Variants in DPP6 observed in about 807,000 individuals in gnomAD.
The protein encoded by DPP6 is A-type potassium channel modulatory protein DPP6.
DPP6 carries 69 observed loss-of-function variants against 122.6 expected under a neutral mutation model. The observed-to-expected ratio is 0.56, with a 90% CI of 0.46 to 0.69. The LOEUF (loss-of-function observed/expected upper bound fraction) is 0.69. DPP6 is among the 30% of genes least tolerant of loss of function. The pLI is 0.00. For synonymous variants in DPP6, 418 were observed against 433.1 expected (o/e 0.97, Z 0.43); for missense variants, 928 against 1,116.9 (o/e 0.83, Z 2.41).
chr7:154,414,380 C>T (rs1013443275), intron 1 of DPP6, among the ~76,000 whole-genome samples: 39 of 152,180 alleles, frequency 2.6e-4, no homozygotes, highest in African/African-American at 8.9e-4. Flanking sequence ...ATCAATCAAT[C>T]GTACAGTCTT....
At chr7:153,858,400 T>C in the DPP6 span, among the ~76,000 whole-genome samples, 1 of 152,184 alleles carries the variant, frequency 6.6e-6, no homozygotes, top group Non-Finnish European at 1.5e-5. Flanking sequence ...CTAGTAACGG[T>C]GTAAACACTT....
At chr7:154,514,017 G>A (rs771745010) in intron 3 of DPP6, among the ~76,000 whole-genome samples, 8 of 152,182 alleles carry the variant, frequency 5.3e-5, no homozygotes, top group Non-Finnish European at 7.3e-5. Flanking sequence ...GCTTATGCCT[G>A]TAATCCTATC....
chr7:154,143,630 T>C (rs1432740745), intron 1 of DPP6, among the ~76,000 whole-genome samples: 2 of 152,210 alleles, frequency 1.3e-5, no homozygotes, highest in African/African-American at 2.4e-5. Flanking sequence ...CTTAGCTCTA[T>C]GTTTATTTAA....
chr7:154,071,658 A>C (rs1045951199), intron 1 of DPP6, among the ~76,000 whole-genome samples: 23 of 152,196 alleles, frequency 1.5e-4, no homozygotes, highest in African/African-American at 5.3e-4. Context: ...TTTCACTACC[A>C]CTATGATTTG....
At chr7:154,746,255 G>T (rs1008365423) in intron 8 of DPP6, among the ~76,000 whole-genome samples, 7 of 152,132 alleles carry the variant, frequency 4.6e-5, no homozygotes, top group African/African-American at 1.7e-4. Flanking sequence ...TGTCTACTTA[G>T]AAGATTTAGG....
intron 1 of DPP6, among the ~76,000 whole-genome samples, chr7:154,156,250 T>A (rs1390114677): frequency 1.3e-5 from 2 of 152,266 alleles, no homozygotes; most frequent in African/African-American, 4.8e-5. Context: ...ATGGTATTTC[T>A]TTGGCAGGAT....
the DPP6 span, among the ~76,000 whole-genome samples, chr7:153,862,708 C>T: frequency 6.6e-6 from 1 of 152,072 alleles, no homozygotes; most frequent in African/African-American, 2.4e-5. Flanking sequence ...GATTTGGTGG[C>T]CTTCACAGTA....
At chr7:153,971,882 C>A (rs1337430927) in intron 1 of DPP6, among the ~76,000 whole-genome samples, 2 of 145,536 alleles carry the variant, frequency 1.4e-5, no homozygotes. Flanking sequence ...ATTAGGCCAC[C>A]AGGTCTTATC....
At chr7:154,722,224 TTTA>T (rs1841854044) in intron 7 of DPP6, among the ~76,000 whole-genome samples, 2 of 152,138 alleles carry the variant, frequency 1.3e-5, no homozygotes, top group South Asian at 4.1e-4. Context: ...AAGATGAGGT[TTTA>T]TTATTATCTC....
chr7:154,374,110 G>T (rs147517517), intron 1 of DPP6, among the ~76,000 whole-genome samples: 1 of 152,172 alleles, frequency 6.6e-6, no homozygotes, highest in Admixed American at 6.5e-5. Context: ...GCTGTGTCAC[G>T]CCATCAGGCT....
intron 1 of DPP6, among the ~76,000 whole-genome samples, chr7:154,379,208 CAG>C (rs1482102790): frequency 6.6e-6 from 1 of 152,152 alleles, no homozygotes; most frequent in African/African-American, 2.4e-5. Flanking sequence ...ACCCCAAGAA[CAG>C]AGCTGCCTAG....
chr7:154,562,972 T>C (rs1187458971), intron 4 of DPP6, among the ~76,000 whole-genome samples: 3 of 145,476 alleles, frequency 2.1e-5, no homozygotes, highest in African/African-American at 8.5e-5. Context: ...GTTTACACTC[T>C]AATGAAGAAA....
chr7:153,976,714 A>G (rs1340576118), intron 1 of DPP6, among the ~76,000 whole-genome samples: 1 of 152,242 alleles, frequency 6.6e-6, no homozygotes, highest in Non-Finnish European at 1.5e-5. Context: ...TGGAAGTCAC[A>G]ATGAAGCATT....
At chr7:154,459,688 G>A (rs894480592) in intron 2 of DPP6, among the ~76,000 whole-genome samples, 22 of 150,898 alleles carry the variant, frequency 1.5e-4, no homozygotes, top group African/African-American at 3.6e-4. Context: ...GTCATGGCGC[G>A]TGCCTGTAAT....
At chr7:154,286,237 C>T (rs754085796) in intron 1 of DPP6, among the ~76,000 whole-genome samples, 13 of 152,112 alleles carry the variant, frequency 8.5e-5, no homozygotes, top group African/African-American at 2.2e-4. Flanking sequence ...AAATTGACCC[C>T]GAGATCCCAG....
intron 1 of DPP6, among the ~76,000 whole-genome samples, chr7:154,328,818 T>A (rs1043608142): frequency 5.9e-5 from 9 of 151,972 alleles, no homozygotes; most frequent in African/African-American, 2.2e-4. Context: ...TGGTCACACT[T>A]TGACAGACAC....
At chr7:154,710,842 G>A (rs1382294328) in intron 7 of DPP6, among the ~76,000 whole-genome samples, 1 of 152,240 alleles carries the variant, frequency 6.6e-6, no homozygotes, top group Non-Finnish European at 1.5e-5. Flanking sequence ...TGGGCTTCAG[G>A]AGCAGTAACT....
At chr7:153,981,952 C>G (rs1029212988) in intron 1 of DPP6, among the ~76,000 whole-genome samples, 1 of 152,072 alleles carries the variant, frequency 6.6e-6, no homozygotes. Flanking sequence ...GTAACCTGAC[C>G]TTTCTCTCTG....
chr7:153,929,595 A>G (rs1169544043), intron 1 of DPP6, among the ~76,000 whole-genome samples: 1 of 152,044 alleles, frequency 6.6e-6, no homozygotes, highest in Non-Finnish European at 1.5e-5. Context: ...CCCTGGGGAA[A>G]GTACAGACTT....
Sources: allele counts gnomAD v4.1 joint callset (sites outside exome capture counted in the v4.1 genomes callset), GRCh38; gene constraint gnomAD v4.1.1; transcripts MANE v1.5; gene names NCBI Gene and HGNC (gene_info 2026-07-23, HGNC 2026-07-21).